The following EFCAB11 variants were observed in gnomAD, a reference collection of about 807,000 sequenced individuals.
The protein encoded by EFCAB11 is EF-hand calcium binding domain 11.
Under a neutral mutation model 23.0 loss-of-function variants are expected in EFCAB11, and 14 were observed. The ratio of observed to expected loss-of-function variants is 0.61; its 90% CI spans 0.40 to 0.95. EFCAB11 has a LOEUF of 0.95. Ranked by LOEUF, EFCAB11 falls within the 40% of genes least tolerant of loss-of-function variation. The pLI, the probability that EFCAB11 is intolerant of heterozygous loss-of-function variation, is 0.00. For missense variants in EFCAB11, 198 were observed against 195.8 expected (o/e 1.01, Z -0.07); for synonymous variants, 65 against 66.6 (o/e 0.98, Z 0.11).
chr14:89,936,515 C>T (rs1246310435), intron 3 of EFCAB11, among the ~76,000 whole-genome samples: 2 of 152,192 alleles, frequency 1.3e-5, no homozygotes, highest in Non-Finnish European at 2.9e-5. Context: ...ATTTCTTTCA[C>T]ACTATTTTCC....
At chr14:89,800,183 T>A (rs370098703) in intron 5 of EFCAB11, among the ~76,000 whole-genome samples, 52 of 127,636 alleles carry the variant, frequency 4.1e-4, no homozygotes, top group African/African-American at 1.4e-3. Context: ...CAAAACTCAA[T>A]CTCGTAAACA....
chr14:89,941,901 TTACCCTACCCA>T (rs1048783196), intron 3 of EFCAB11, among the ~76,000 whole-genome samples: 2 of 152,106 alleles, frequency 1.3e-5, no homozygotes, highest in African/African-American at 4.8e-5. Context: ...CTCTGTGTCC[TTACCCTACCCA>T]AATCTCATCT....
chr14:89,850,439 T>A (rs1887570008), intron 5 of EFCAB11, among the ~76,000 whole-genome samples: 1 of 152,146 alleles, frequency 6.6e-6, no homozygotes, highest in Admixed American at 6.5e-5. Flanking sequence ...CCTACCACAA[T>A]ATCTACCAAA....
intron 5 of EFCAB11, among the ~76,000 whole-genome samples, chr14:89,876,209 G>A (rs1428595942): frequency 6.6e-6 from 1 of 152,148 alleles, no homozygotes; most frequent in Non-Finnish European, 1.5e-5. Context: ...AGAAGGCAGG[G>A]CCCAGAATGG....
chr14:89,812,324 G>T (rs971280433), intron 5 of EFCAB11, among the ~76,000 whole-genome samples: 5 of 152,198 alleles, frequency 3.3e-5, no homozygotes, highest in Non-Finnish European at 5.9e-5. Context: ...AATGTGCAGG[G>T]ACAAGCCACG....
At chr14:89,846,243 A>G (rs1887427395) in intron 5 of EFCAB11, among the ~76,000 whole-genome samples, 1 of 152,222 alleles carries the variant, frequency 6.6e-6, no homozygotes, top group Non-Finnish European at 1.5e-5. Flanking sequence ...CTCTGGAAGG[A>G]GAAGAAATGA....
At chr14:89,845,164 T>C (rs955147307) in intron 5 of EFCAB11, among the ~76,000 whole-genome samples, 15 of 152,206 alleles carry the variant, frequency 9.9e-5, no homozygotes, top group Non-Finnish European at 2.2e-4. Context: ...ACCTAACATA[T>C]TACAGTTTTT....
chr14:89,895,144 A>C (rs1031439589), intron 5 of EFCAB11, among the ~76,000 whole-genome samples: 2 of 152,214 alleles, frequency 1.3e-5, no homozygotes, highest in African/African-American at 4.8e-5. Context: ...GGGGGTTGGC[A>C]TATAAGAAAT....
At chr14:89,886,150 T>G (rs900018344) in intron 5 of EFCAB11, among the ~76,000 whole-genome samples, 1 of 152,174 alleles carries the variant, frequency 6.6e-6, no homozygotes, top group Non-Finnish European at 1.5e-5. Context: ...CAGAACTGCT[T>G]CTTCCCTGGG....
At chr14:89,820,340 G>C (rs1886470835) in intron 5 of EFCAB11, among the ~76,000 whole-genome samples, 1 of 152,008 alleles carries the variant, frequency 6.6e-6, no homozygotes, top group Non-Finnish European at 1.5e-5. Flanking sequence ...AGAAACTTAA[G>C]GAAATTTAAA....
intron 5 of EFCAB11, among the ~76,000 whole-genome samples, chr14:89,906,172 AAAATAAAT>A (rs59351985): frequency 0.065 from 9,417 of 145,060 alleles, 566 homozygotes; most frequent in African/African-American, 0.15. Flanking sequence ...TTAGAGCACT[AAAATAAAT>A]AAATAAATAA....
chr14:89,925,631 C>A (rs911680488), intron 5 of EFCAB11, among the ~76,000 whole-genome samples: 4 of 148,764 alleles, frequency 2.7e-5, no homozygotes, highest in African/African-American at 7.6e-5. Context: ...AAGAGGAATA[C>A]AAAGTTATGT....
At chr14:89,871,189 G>A (rs1008570421) in intron 5 of EFCAB11, among the ~76,000 whole-genome samples, 1 of 152,140 alleles carries the variant, frequency 6.6e-6, no homozygotes, top group African/African-American at 2.4e-5. Context: ...GAGTGCAGGA[G>A]GGACTGGACT....
chr14:89,950,154 GA>G lies in EFCAB11; in HGVS notation c.172-13del. The G allele has an allele frequency of 6.4e-7, 1 of 1,551,866 alleles. No homozygotes were observed. On this transcript the variant is annotated splice_polypyrimidine_tract_variant and intron_variant, in intron 2 of 5. Transcript: ENST00000316738. ...GAATCCACTTCTATCTAGAAAAGAG[GA>G]AAAAATAATAGAACATGTAATTTTA... is the stretch of plus-strand genomic sequence containing the variant.
intron 5 of EFCAB11, among the ~76,000 whole-genome samples, chr14:89,920,924 G>A (rs565211127): frequency 7.4e-4 from 112 of 152,134 alleles, no homozygotes; most frequent in African/African-American, 2.4e-3. Flanking sequence ...AATTAGCTGC[G>A]CATAGTGGTG....
intron 5 of EFCAB11, among the ~76,000 whole-genome samples, chr14:89,846,461 A>C (rs1887435564): frequency 6.6e-6 from 1 of 152,210 alleles, no homozygotes; most frequent in African/African-American, 2.4e-5. Context: ...TGGGAACTCA[A>C]AAGGATACCA....
At chr14:89,885,338 A>G (rs917890530) in intron 5 of EFCAB11, among the ~76,000 whole-genome samples, 1 of 152,212 alleles carries the variant, frequency 6.6e-6, no homozygotes, top group African/African-American at 2.4e-5. Flanking sequence ...TGGCATTGTC[A>G]GTTCTCCCCA....
intron 5 of EFCAB11, among the ~76,000 whole-genome samples, chr14:89,842,651 T>C (rs1458551787): frequency 6.6e-6 from 1 of 152,014 alleles, no homozygotes; most frequent in African/African-American, 2.4e-5. Context: ...TAATATAATG[T>C]CCCTCTCGTG....
At chr14:89,888,608 C>T (rs1888865305) in intron 5 of EFCAB11, among the ~76,000 whole-genome samples, 1 of 152,214 alleles carries the variant, frequency 6.6e-6, no homozygotes, top group African/African-American at 2.4e-5. Flanking sequence ...ATGATCCAGA[C>T]ACCTCCCACC....
Sources: allele counts gnomAD v4.1 joint callset (sites outside exome capture counted in the v4.1 genomes callset), GRCh38; gene constraint gnomAD v4.1.1; transcripts MANE v1.5; gene names NCBI Gene and HGNC (gene_info 2026-07-23, HGNC 2026-07-21).